The following MKLN1 variants were observed in gnomAD, a reference collection of about 807,000 sequenced individuals.
MKLN1 encodes the protein muskelin 1.
MKLN1 carries 18 observed loss-of-function variants against 99.0 expected under a neutral mutation model. The ratio of observed to expected loss-of-function variants is 0.18; its 90% CI spans 0.13 to 0.27. MKLN1 has a LOEUF of 0.27. Among genes scored for constraint, MKLN1 ranks in the 10% least tolerant of loss-of-function variants. The pLI is 1.00. For missense variants in MKLN1, 621 were observed against 875.9 expected (o/e 0.71, Z 3.67); for synonymous variants, 288 against 293.2 (o/e 0.98, Z 0.18).
At chr7:131,268,923 C>T (rs1480589760) in intron 3 of MKLN1, among the ~76,000 whole-genome samples, 1 of 152,212 alleles carries the variant, frequency 6.6e-6, no homozygotes, top group Non-Finnish European at 1.5e-5. Context: ...AAGTCCATCC[C>T]TCAAGCTCAC....
At chr7:131,313,207 C>G (rs1246239172) in intron 3 of MKLN1, among the ~76,000 whole-genome samples, 4 of 152,094 alleles carry the variant, frequency 2.6e-5, no homozygotes, top group Non-Finnish European at 5.9e-5. Context: ...TTACTAAAGT[C>G]AAGTGACCAT....
intron 1 of MKLN1, among the ~76,000 whole-genome samples, chr7:131,123,656 C>T (rs1468846072): frequency 6.6e-6 from 1 of 152,098 alleles, no homozygotes; most frequent in African/African-American, 2.4e-5. Context: ...GGCATGGTGG[C>T]AGGCACCTGT....
chr7:131,377,755 T>G (rs1304661468), intron 2 of MKLN1, among the ~76,000 whole-genome samples: 1 of 152,196 alleles, frequency 6.6e-6, no homozygotes, highest in Non-Finnish European at 1.5e-5. Context: ...ATCTATGGAG[T>G]GCCAAACTTT....
intron 3 of MKLN1, among the ~76,000 whole-genome samples, chr7:131,298,432 A>C (rs1798327276): frequency 6.6e-6 from 1 of 152,188 alleles, no homozygotes; most frequent in Admixed American, 6.5e-5. Context: ...GACAGCCTCT[A>C]TCTGGGGAAC....
intron 3 of MKLN1, among the ~76,000 whole-genome samples, chr7:131,303,040 A>T (rs1257090653): frequency 6.6e-6 from 1 of 152,130 alleles, no homozygotes; most frequent in Non-Finnish European, 1.5e-5. Context: ...CCCTGGCCAG[A>T]GACTTCCTGA....
intron 2 of MKLN1, among the ~76,000 whole-genome samples, chr7:131,186,844 G>A (rs1001923588): frequency 2.0e-5 from 3 of 152,144 alleles, no homozygotes; most frequent in African/African-American, 4.8e-5. Context: ...TTGAGTGTGC[G>A]GGCTGAAGGT....
chr7:131,197,088 T>C (rs990602197), intron 2 of MKLN1, among the ~76,000 whole-genome samples: 1 of 152,172 alleles, frequency 6.6e-6, no homozygotes, highest in Admixed American at 6.6e-5. Context: ...ACACAAAGGT[T>C]TCAGAATCAA....
chr7:131,163,005 G>C (rs1279019712), intron 2 of MKLN1, among the ~76,000 whole-genome samples: 1 of 152,170 alleles, frequency 6.6e-6, no homozygotes, highest in African/African-American at 2.4e-5. Context: ...TATCTTATCA[G>C]CTGGATGGTA....
intron 2 of MKLN1, among the ~76,000 whole-genome samples, chr7:131,201,598 G>A (rs1015692977): frequency 9.9e-5 from 15 of 152,092 alleles, no homozygotes; most frequent in Admixed American, 3.9e-4. Context: ...ATCATCATCC[G>A]TCTTGTATAC....
chr7:131,395,994 G>T (rs985954966), intron 4 of MKLN1, among the ~76,000 whole-genome samples: 2 of 151,182 alleles, frequency 1.3e-5, no homozygotes, highest in East Asian at 1.9e-4. Flanking sequence ...TTTCTAATTG[G>T]TTATTGTAGG....
chr7:131,370,081 G>A (rs1171367823), intron 1 of MKLN1, among the ~76,000 whole-genome samples: 2 of 152,206 alleles, frequency 1.3e-5, no homozygotes, highest in African/African-American at 4.8e-5. Flanking sequence ...CAGGTGATCC[G>A]CCGGCTTCGG....
At position 131,113,500 on chromosome 7, in the gene MKLN1, A is replaced by G. The variant is rs570450231; in HGVS notation, c.-419+3293A>G. Among the ~76,000 whole-genome samples, 5 of 152,238 alleles carry G rather than the reference A, an allele frequency of 3.3e-5. No homozygotes were observed. The East Asian group carries it at 9.6e-4, about 29-fold the overall frequency. On this transcript the variant is annotated intron_variant, in intron 1 of 7. Coordinates refer to the MKLN1 transcript ENST00000416992. ...GAACCACTGATGAATTTTAAGGGGC[A>G]TAGTGAACTGATCAAATGTTCATTT...
At chr7:131,247,430 G>T (rs1797509150) in intron 3 of MKLN1, among the ~76,000 whole-genome samples, 1 of 151,958 alleles carries the variant, frequency 6.6e-6, no homozygotes, top group Non-Finnish European at 1.5e-5. Flanking sequence ...TGGTCAGGCT[G>T]GTCTCGAACT....
chr7:131,135,309 G>A (rs928911559), intron 1 of MKLN1, among the ~76,000 whole-genome samples: 2 of 152,110 alleles, frequency 1.3e-5, no homozygotes, highest in African/African-American at 2.4e-5. Context: ...TTTTAGTAGA[G>A]ACGGGGTTTC....
chr7:131,253,057 A>T (rs1353941914), intron 3 of MKLN1, among the ~76,000 whole-genome samples: 1 of 152,204 alleles, frequency 6.6e-6, no homozygotes. Context: ...AGTCCCAATG[A>T]AACAACCATA....
At chr7:131,475,372 A>G (rs1469509916) in intron 16 of MKLN1, among the ~76,000 whole-genome samples, 1 of 152,006 alleles carries the variant, frequency 6.6e-6, no homozygotes, top group South Asian at 2.1e-4. Flanking sequence ...ATTTTCTAAC[A>G]AAAAAAACTC....
At chr7:131,235,006 G>A (rs1446747632) in intron 3 of MKLN1, among the ~76,000 whole-genome samples, 1 of 152,176 alleles carries the variant, frequency 6.6e-6, no homozygotes, top group Non-Finnish European at 1.5e-5. Context: ...ATCGTTTAAG[G>A]AACTCAAGAA....
chr7:131,392,256 GAT>G (rs1190818682), intron 4 of MKLN1, among the ~76,000 whole-genome samples: 1 of 152,122 alleles, frequency 6.6e-6, no homozygotes, highest in African/African-American at 2.4e-5. Context: ...TAAATGGAGA[GAT>G]GTGGATTTTT....
intron 1 of MKLN1, among the ~76,000 whole-genome samples, chr7:131,369,548 T>A (rs1414662369): frequency 6.6e-6 from 1 of 152,184 alleles, no homozygotes; most frequent in Non-Finnish European, 1.5e-5. Flanking sequence ...TTCAGTTCTG[T>A]TGTTCATCTT....
Sources: allele counts gnomAD v4.1 joint callset (sites outside exome capture counted in the v4.1 genomes callset), GRCh38; gene constraint gnomAD v4.1.1; transcripts MANE v1.5; gene names NCBI Gene and HGNC (gene_info 2026-07-23, HGNC 2026-07-21).